Variants in PTPRS observed in about 807,000 individuals in gnomAD.
PTPRS encodes receptor-type tyrosine-protein phosphatase S.
A neutral mutation model predicts 215.3 loss-of-function variants in PTPRS; 63 were observed. That is an observed-to-expected ratio of 0.29 (90% CI 0.24 to 0.36). PTPRS has a LOEUF of 0.36. PTPRS is among the 10% of genes least tolerant of loss of function. The pLI is 1.00. For missense variants in PTPRS, 2,258 were observed against 2,825.8 expected, an observed-to-expected ratio of 0.80 and a Z score of 4.56; for synonymous variants, 1,404 against 1,191.4, an observed-to-expected ratio of 1.18 and a Z score of -3.68.
intron 4 of PTPRS, among the ~76,000 whole-genome samples, chr19:5,266,078 T>C: frequency 6.6e-6 from 1 of 151,868 alleles, no homozygotes; most frequent in Non-Finnish European, 1.5e-5. Context: ...CTGGCCCACA[T>C]GGTGAAACAC....
At chr19:5,291,760 G>A (rs765701794) in intron 1 of PTPRS, among the ~76,000 whole-genome samples, 3 of 151,704 alleles carry the variant, frequency 2.0e-5, no homozygotes, top group African/African-American at 7.3e-5. Flanking sequence ...GCTGAGCCCC[G>A]TTCCTCCTCT....
intron 13 of PTPRS, among the ~76,000 whole-genome samples, chr19:5,234,726 C>T (rs1166524445): frequency 6.6e-6 from 1 of 151,624 alleles, no homozygotes; most frequent in Non-Finnish European, 1.5e-5. Context: ...AGTTAATAGT[C>T]CCCATGTATT....
At chr19:5,261,682 G>A (rs765522638) in intron 6 of PTPRS, among the ~76,000 whole-genome samples, 82 of 152,174 alleles carry the variant, frequency 5.4e-4, no homozygotes, top group Admixed American at 1.1e-3. Context: ...AACCCATTTT[G>A]CAGACGGGCC....
chr19:5,229,115 G>T (rs2042776716), intron 16 of PTPRS, among the ~76,000 whole-genome samples: 1 of 152,374 alleles, frequency 6.6e-6, no homozygotes, highest in South Asian at 2.1e-4. Flanking sequence ...GGGGCGCACA[G>T]TGGTCCGAGT....
chr19:5,332,130 A>AT (rs34525422), intron 1 of PTPRS, among the ~76,000 whole-genome samples: 11,280 of 144,906 alleles, frequency 0.078, 480 homozygotes, highest in Non-Finnish European at 0.11. Flanking sequence ...AAATAGGGCA[A>AT]TTTTTTTTTT....
intron 7 of PTPRS, 49 bp from the exon 8 acceptor site, chr19:5,258,176 G>C: frequency 6.7e-7 from 1 of 1,492,884 alleles, no homozygotes; most frequent in African/African-American, 1.4e-5. Context: ...GGGCCCAGGA[G>C]TGAACAGGGA....
chr19:5,265,339 G>T, intron 4 of PTPRS, 143 bp from the exon 5 acceptor site: 1 of 704,790 alleles, frequency 1.4e-6, no homozygotes, highest in Non-Finnish European at 2.3e-6. Context: ...ATCCTTTACA[G>T]CCAGTTCTCT....
intron 13 of PTPRS, among the ~76,000 whole-genome samples, chr19:5,234,750 G>A (rs2043295608): frequency 6.6e-6 from 1 of 152,158 alleles, no homozygotes; most frequent in Non-Finnish European, 1.5e-5. Flanking sequence ...CCCCTACTGT[G>A]TGCCAGGCAC....
chr19:5,256,160 A>G (rs1047105090), intron 8 of PTPRS, 41 bp from the exon 9 acceptor site: 39 of 1,490,050 alleles, frequency 2.6e-5, no homozygotes, highest in Non-Finnish European at 3.6e-5. Context: ...ACACAATGAC[A>G]TGGGAAGAAG....
At chr19:5,218,996 C>T (rs2041741101) in intron 23 of PTPRS, 198 bp from the exon 24 acceptor site, 2 of 657,578 alleles carry the variant, frequency 3.0e-6, no homozygotes, top group Non-Finnish European at 5.1e-6. Context: ...TTATCTCAGC[C>T]CTGGGATGTG....
At position 5,211,416 on chromosome 19, in the gene PTPRS, C is replaced by A. The variant is rs1186532273; in HGVS notation, c.5234+174G>T. Among the ~76,000 whole-genome samples, 3 of 152,108 alleles carry A rather than the reference C, an allele frequency of 2.0e-5. No homozygotes were observed. In the East Asian group the frequency reaches 5.8e-4, roughly 29 times the overall value. On this transcript the variant is annotated intron_variant, in intron 33 of 37. Coordinates refer to ENST00000262963, the MANE Select transcript of PTPRS (RefSeq NM_002850.4). The stretch of plus-strand genomic sequence containing the variant: ...ACAGCAGCCATCAGTTAAACACACA[C>A]CCAAAGATTCACGGACAGCAGCCAT...
At position 5,287,768 on chromosome 19, in the gene PTPRS, T is replaced by C. The variant is rs2048468562; in HGVS notation, c.-94-1534A>G. ...ACGAACGGGATTCGGGGGGCCTCAG[T>C]GTACATAGTTAGGCCACAGGCATAC... On this transcript the variant is annotated intron_variant, in intron 1 of 37. Coordinates refer to ENST00000262963, the MANE Select transcript of PTPRS (RefSeq NM_002850.4). The surrounding 1 kb of genome is among the most constrained non-coding windows in gnomAD (Gnocchi z 4.8). Among the ~76,000 whole-genome samples, 1 of 151,820 alleles carries C rather than the reference T, an allele frequency of 6.6e-6. No homozygotes were observed. Among genetic ancestry groups the C allele is most frequent in the Non-Finnish European group, 1.5e-5 (1 of 67,930 alleles).
At chr19:5,222,487 G>A (rs1207091419) in intron 18 of PTPRS, among the ~76,000 whole-genome samples, 2 of 151,216 alleles carry the variant, frequency 1.3e-5, no homozygotes, top group African/African-American at 2.4e-5. Context: ...AAGGGGAGGG[G>A]GCAGTGGTGG....
At position 5,311,822 on chromosome 19, in the gene PTPRS, C is replaced by T. The variant is rs564442077; in HGVS notation, c.-94-25588G>A. Reference sequence around the variant, plus strand: ...TTGGGAGGCTGAGGTGGGTGGATCACGAGGTCAGGAGATCGAGACCATCCT... The same window carrying T: ...TTGGGAGGCTGAGGTGGGTGGATCATGAGGTCAGGAGATCGAGACCATCCT... On this transcript the variant is annotated intron_variant, in intron 1 of 37. Transcript: ENST00000262963. Among the ~76,000 whole-genome samples the T allele has an allele frequency of 1.6e-4, 24 of 152,088 alleles. No individual in the cohort carries two copies. The South Asian group carries it at 3.7e-3, about 24-fold the overall frequency.
chr19:5,323,921 A>T (rs1321893997), intron 1 of PTPRS, among the ~76,000 whole-genome samples: 1 of 152,140 alleles, frequency 6.6e-6, no homozygotes, highest in Non-Finnish European at 1.5e-5. Context: ...GTGGAGGCAG[A>T]GGATAGAACA....
chr19:5,250,637 AG>A (rs1178549759), intron 9 of PTPRS, among the ~76,000 whole-genome samples: 1 of 1,574 alleles, frequency 6.4e-4, no homozygotes, highest in Admixed American at 7.1e-3. Context: ...CGCTTGGGCG[AG>A]GGGGTCGGGA....
chr19:5,223,773 G>T (rs914820341), intron 17 of PTPRS, among the ~76,000 whole-genome samples: 2 of 150,014 alleles, frequency 1.3e-5, no homozygotes, highest in African/African-American at 4.9e-5. Context: ...TATTGGCCAG[G>T]CTGGTCTTGA....
In PTPRS at chr19:5,340,775, G is replaced by A. The variant is rs1032991508; in HGVS notation, c.-206C>T. 1 of 149,408 alleles carries A rather than the reference G, an allele frequency of 6.7e-6. No homozygotes were observed. The highest frequency in any genetic ancestry group is 2.4e-5 in the African/African-American group (1 of 41,002). The allele number at this position is 149,408 out of a possible 1,614,324, so 9.3% of individuals were successfully genotyped here. A position where few individuals can be genotyped will look rare whatever the true frequency, so the allele number is the denominator to read the frequency against. On this transcript the variant is annotated 5_prime_UTR_variant, in exon 1 of 38. Coordinates refer to ENST00000262963, the MANE Select transcript of PTPRS (RefSeq NM_002850.4). ...CAGCGGCTCGCGGCGTGCGCGCGCC[G>A]GCCGGGCTGCCGGGCGGGCGGCGCG...
In PTPRS at chr19:5,279,378, ATTT is replaced by A. The variant is rs538359376; in HGVS notation, c.92-5037_92-5035del. On this transcript the variant is annotated intron_variant, in intron 2 of 37. Coordinates refer to ENST00000262963, the MANE Select transcript of PTPRS (RefSeq NM_002850.4). Reference sequence around the variant, plus strand: ...TATTTTATTTTTTCTTCTTCTTCTTATTTTTTTTTACAGAGACAGGGTCTCACT... The same window carrying A: ...TATTTTATTTTTTCTTCTTCTTCTTATTTTTTACAGAGACAGGGTCTCACT... Among the ~76,000 whole-genome samples the A allele has an allele frequency of 7.3e-4, 109 of 149,018 alleles. 1 individual carries two copies. The highest frequency in any genetic ancestry group is 2.5e-3 in the African/African-American group (101 of 40,686).
Sources: allele counts gnomAD v4.1 joint callset (sites outside exome capture counted in the v4.1 genomes callset), GRCh38; gene constraint gnomAD v4.1.1; non-coding constraint Gnocchi (gnomAD v3.1); transcripts MANE v1.5; gene names NCBI Gene and HGNC (gene_info 2026-07-23, HGNC 2026-07-21).